SYNPO2: variants seen among roughly 807,000 people sequenced by gnomAD.
The protein encoded by SYNPO2 is synaptopodin-2.
In SYNPO2, 56 loss-of-function variants were observed where a neutral mutation model predicts 85.0. That is an observed-to-expected ratio of 0.66 (90% CI 0.53 to 0.82). The LOEUF (loss-of-function observed/expected upper bound fraction) is 0.82, where lower values mean the gene tolerates loss of function less well. Among genes scored for constraint, SYNPO2 ranks in the 40% least tolerant of loss-of-function variants. The pLI, the probability that SYNPO2 is intolerant of heterozygous loss-of-function variation, is 0.00. For missense variants in SYNPO2, 1,575 were observed against 1,534.2 expected, an observed-to-expected ratio of 1.03 and a Z score of -0.44; for synonymous variants, 602 against 591.1, an observed-to-expected ratio of 1.02 and a Z score of -0.27.
rs1738155719 is a variant in SYNPO2, at chr4:119,030,097, G to A, written c.1322G>A (p.Ser441Asn). 1.9e-6 allele frequency: 3 copies of A among 1,614,160 alleles called. No homozygotes were observed. Among genetic ancestry groups the A allele is most frequent in the South Asian group, 1.1e-5 (1 of 91,080 alleles). ...TGTGAAGTAGCATTTCTTGGTGCAAGCGAATCAGAGGTGGATGAAGAGTTA... is the reference window on the plus strand; with the variant it reads ...TGTGAAGTAGCATTTCTTGGTGCAAACGAATCAGAGGTGGATGAAGAGTTA... The part of the protein sequence containing the change: ...DTCEVAFLGA[S>N]ESEVDEELLS... The change falls in exon 4 of 5, where the codon AGC becomes AAC. Residue 441 changes from serine (S) to asparagine (N), a missense_variant. This residue lies in a region of SYNPO2 where 1,508 missense variants were observed against 1,446.8 expected (regional missense o/e 1.04). Transcript: ENST00000307142.
At chr4:118,894,365 T>G (rs560992459) in intron 1 of SYNPO2, among the ~76,000 whole-genome samples, 1 of 152,248 alleles carries the variant, frequency 6.6e-6, no homozygotes, top group East Asian at 1.9e-4. Flanking sequence ...ATGGGCTGCC[T>G]GGGTCAGCGG....
At chr4:119,039,897 T>C (rs1738654255) in intron 4 of SYNPO2, among the ~76,000 whole-genome samples, 3 of 152,214 alleles carry the variant, frequency 2.0e-5, no homozygotes, top group Admixed American at 2.0e-4. Flanking sequence ...GTGTAAACCT[T>C]GAGCCCACAA....
chr4:119,043,635 A>T (rs1411870526), intron 4 of SYNPO2: 1 of 152,186 alleles, frequency 6.6e-6, no homozygotes, highest in African/African-American at 2.4e-5. Context: ...AGCTTCATGA[A>T]TGCATTAAGA....
intron 1 of SYNPO2, among the ~76,000 whole-genome samples, chr4:118,995,763 A>G (rs1191381776): frequency 6.6e-6 from 1 of 152,262 alleles, no homozygotes; most frequent in East Asian, 1.9e-4. Flanking sequence ...CATGTGGCTT[A>G]CATTTGAGGT....
At chr4:118,867,066 TA>T (rs1451647521) in intron 1 of SYNPO2, among the ~76,000 whole-genome samples, 6 of 152,198 alleles carry the variant, frequency 3.9e-5, no homozygotes, top group Admixed American at 3.9e-4. Context: ...CTTTTTGAAA[TA>T]ACGTTTTATT....
chr4:119,000,164 A>G lies in SYNPO2; in HGVS notation c.106-23266A>G, dbSNP rs570453666. ...AAGACAGCCTTCCTGTTATCACACT[A>G]TCAATCTTTTTCCACCAGGTAGCAA... On this transcript the variant is annotated intron_variant, in intron 1 of 4. Coordinates refer to ENST00000307142, the MANE Select transcript of SYNPO2 (RefSeq NM_133477.3). 5.2e-4 allele frequency among the ~76,000 whole-genome samples: 79 copies of G among 152,312 alleles called. 1 individual carries two copies. The highest frequency in any genetic ancestry group is 1.8e-3 in the African/African-American group (73 of 41,566).
At chr4:118,892,011 T>C (rs1032677116) in intron 1 of SYNPO2, among the ~76,000 whole-genome samples, 2 of 152,014 alleles carry the variant, frequency 1.3e-5, no homozygotes, top group African/African-American at 4.8e-5. Flanking sequence ...GCAGAAATAG[T>C]GCAAAAAAAC....
At chr4:118,879,499 C>G (rs538285571) in intron 1 of SYNPO2, among the ~76,000 whole-genome samples, 1 of 152,174 alleles carries the variant, frequency 6.6e-6, no homozygotes, top group South Asian at 2.1e-4. Context: ...TGATCTTTCT[C>G]TATGTGAGGA....
At chr4:118,969,730 AAT>A (rs1240063162) in intron 1 of SYNPO2, among the ~76,000 whole-genome samples, 1 of 151,842 alleles carries the variant, frequency 6.6e-6, no homozygotes, top group Non-Finnish European at 1.5e-5. Context: ...TAAGGTCACT[AAT>A]ATATGAAAAT....
intron 4 of SYNPO2, among the ~76,000 whole-genome samples, chr4:119,056,724 C>A (rs1239154494): frequency 6.6e-6 from 1 of 152,062 alleles, no homozygotes; most frequent in Admixed American, 6.5e-5. Context: ...CCCTCAGAGA[C>A]AAAGGCAATA....
intron 4 of SYNPO2, chr4:119,037,422 G>C: frequency 8.7e-7 from 1 of 1,155,446 alleles, no homozygotes; most frequent in Non-Finnish European, 1.1e-6. Context: ...ACAGAAAAAT[G>C]TTCTTCTTGG....
In SYNPO2 at chr4:118,914,456, T is replaced by C. The variant is rs77940688; in HGVS notation, c.105+25315T>C. Among the ~76,000 whole-genome samples the C allele has an allele frequency of 4.9e-3, 746 of 152,198 alleles. 3 individuals are homozygous for C. Among genetic ancestry groups the C allele is most frequent in the African/African-American group, 0.017 (716 of 41,538 alleles). Reference sequence around the variant, plus strand: ...ATGGAAAAAAGTTAAAATAAGTCATTAGAAAGATAGAAAGAGGATAAGTAT... The same window carrying C: ...ATGGAAAAAAGTTAAAATAAGTCATCAGAAAGATAGAAAGAGGATAAGTAT... On this transcript the variant is annotated intron_variant, in intron 1 of 4. Coordinates refer to ENST00000307142, the MANE Select transcript of SYNPO2 (RefSeq NM_133477.3).
chr4:118,913,933 T>C (rs1733225240), intron 1 of SYNPO2, among the ~76,000 whole-genome samples: 1 of 152,134 alleles, frequency 6.6e-6, no homozygotes, highest in Non-Finnish European at 1.5e-5. Flanking sequence ...AGATGACTGA[T>C]GGCAATGTGG....
chr4:118,875,739 C>T (rs542929531), intron 1 of SYNPO2, among the ~76,000 whole-genome samples: 2 of 152,296 alleles, frequency 1.3e-5, no homozygotes, highest in African/African-American at 4.8e-5. Flanking sequence ...ATTTCTCCTC[C>T]ACTACCCAAA....
Position 119,031,173 on chromosome 4 carries a change from G to T in SYNPO2, c.2398G>T (p.Gly800Cys). The T allele has an allele frequency of 6.2e-7, 1 of 1,613,978 alleles. No individual in the cohort carries two copies. The highest frequency in any genetic ancestry group is 8.5e-7 in the Non-Finnish European group (1 of 1,179,988). ...CTTCCCCACATCCAACCCATCAAAG[G>T]GCACCGTTGTCTCCTCCATCAAAAT... ...PAFPTSNPSK[G>C]TVVSSIKIAQ... The change falls in exon 4 of 5, where the codon GGC (glycine) becomes TGC (cysteine). Residue 800 changes from glycine (G) to cysteine (C), a missense_variant. Transcript: ENST00000307142.
At chr4:118,939,334 C>T (rs566988302) in intron 1 of SYNPO2, among the ~76,000 whole-genome samples, 18 of 152,344 alleles carry the variant, frequency 1.2e-4, no homozygotes, top group African/African-American at 2.4e-4. Flanking sequence ...TGCTGAGCGA[C>T]GCTCAAGCTA....
chr4:118,989,768 T>G (rs1413619683), intron 1 of SYNPO2, among the ~76,000 whole-genome samples: 2 of 152,178 alleles, frequency 1.3e-5, no homozygotes, highest in African/African-American at 2.4e-5. Context: ...GTGGATGTAC[T>G]AAGAGTTAGG....
At chr4:118,888,827 G>A (rs1732260549), upstream of SYNPO2, 2 of 590,188 alleles carry the variant, frequency 3.4e-6, no homozygotes, top group Admixed American at 3.0e-5. Context: ...GAGCGCCTCT[G>A]CCTCCTTGAG....
chr4:118,880,001 G>A (rs142995861), intron 1 of SYNPO2, among the ~76,000 whole-genome samples: 321 of 152,136 alleles, frequency 2.1e-3, no homozygotes, highest in Non-Finnish European at 3.6e-3. Flanking sequence ...TTCTCTCAAC[G>A]GTGCTCCCCT....
Sources: gnomAD v4.1 joint callset for allele counts (sites outside exome capture counted in the v4.1 genomes callset) on GRCh38, gnomAD v4.1.1 for gene constraint, gnomAD v4.1.1 regional missense constraint, MANE v1.5 for transcripts, NCBI Gene and HGNC (gene_info 2026-07-23, HGNC 2026-07-21) for gene names.